NPAS3: variants seen among roughly 807,000 people sequenced by gnomAD.
The protein encoded by NPAS3 is neuronal PAS domain-containing protein 3.
Under a neutral mutation model 73.1 loss-of-function variants are expected in NPAS3, and 14 were observed. The ratio of observed to expected loss-of-function variants is 0.19; its 90% CI spans 0.13 to 0.30. NPAS3 has a LOEUF of 0.30. Ranked by LOEUF, NPAS3 falls within the 10% of genes least tolerant of loss-of-function variation. NPAS3 has a pLI of 1.00. For missense variants in NPAS3, 1,096 were observed against 1,250.0 expected (o/e 0.88, Z 1.86); for synonymous variants, 620 against 541.5 (o/e 1.14, Z -2.01).
intron 2 of NPAS3, among the ~76,000 whole-genome samples, chr14:33,201,626 C>T (rs2139592257): frequency 6.6e-6 from 1 of 152,330 alleles, no homozygotes; most frequent in South Asian, 2.1e-4. Flanking sequence ...AACAGGATAT[C>T]TGCCTTGGTC....
Position 33,451,151 on chromosome 14 carries a change from A to G in NPAS3, c.468+83883A>G, listed in dbSNP as rs548215623. Among the ~76,000 whole-genome samples the G allele has an allele frequency of 7.9e-5, 12 of 152,336 alleles. No individual in the cohort carries two copies. In the South Asian group the frequency reaches 2.5e-3, roughly 32 times the overall value. On this transcript the variant is annotated intron_variant, in intron 4 of 11. Transcript: ENST00000356141. ...TACCTTTTCTAGTCTCTGGCACATA[A>G]AAAATACATGCCTAATAAATATTTG...
intron 1 of NPAS3, among the ~76,000 whole-genome samples, chr14:33,020,371 A>C (rs1440088018): frequency 6.6e-6 from 1 of 152,214 alleles, no homozygotes; most frequent in East Asian, 1.9e-4. Context: ...ACCATGGAAA[A>C]GTGATGTAAA....
At chr14:33,637,565 GA>G (rs1267499699) in intron 5 of NPAS3, among the ~76,000 whole-genome samples, 12 of 152,174 alleles carry the variant, frequency 7.9e-5, no homozygotes, top group African/African-American at 2.9e-4. Flanking sequence ...TTTACCTATT[GA>G]ATGTAATGGA....
intron 2 of NPAS3, among the ~76,000 whole-genome samples, chr14:33,056,408 T>C (rs2040890823): frequency 6.6e-6 from 1 of 152,234 alleles, no homozygotes; most frequent in African/African-American, 2.4e-5. Context: ...TGTAATGGAA[T>C]GATGAGTTGT....
At chr14:33,796,545 A>C (rs1306487763) in intron 10 of NPAS3, among the ~76,000 whole-genome samples, 1 of 152,174 alleles carries the variant, frequency 6.6e-6, no homozygotes, top group African/African-American at 2.4e-5. Flanking sequence ...AGTAATCATC[A>C]ATTTTAAGTC....
chr14:33,684,243 A>ATAGTC (rs1356380145), intron 6 of NPAS3, among the ~76,000 whole-genome samples: 1 of 150,860 alleles, frequency 6.6e-6, no homozygotes, highest in Non-Finnish European at 1.5e-5. Context: ...TTTTTTTAAC[A>ATAGTC]TAGTCTCTTA....
At chr14:33,259,614 G>A (rs1269450815) in intron 3 of NPAS3, among the ~76,000 whole-genome samples, 3 of 152,100 alleles carry the variant, frequency 2.0e-5, no homozygotes, top group Non-Finnish European at 4.4e-5. Context: ...AATATTTTGA[G>A]GGGGAGACAT....
intron 3 of NPAS3, among the ~76,000 whole-genome samples, chr14:33,274,545 G>A (rs1027452865): frequency 4.6e-5 from 7 of 152,024 alleles, no homozygotes; most frequent in Non-Finnish European, 1.5e-5. Context: ...CCCTGCCTCA[G>A]TTCAGACCCA....
intron 2 of NPAS3, among the ~76,000 whole-genome samples, chr14:33,197,524 G>GA (rs1225813289): frequency 5.1e-4 from 74 of 144,648 alleles, no homozygotes; most frequent in Middle Eastern, 3.5e-3. Flanking sequence ...CATATTGTCA[G>GA]AAAAAAAAAA....
chr14:33,217,917 A>T (rs1197770278), intron 3 of NPAS3, among the ~76,000 whole-genome samples: 1 of 152,184 alleles, frequency 6.6e-6, no homozygotes, highest in Non-Finnish European at 1.5e-5. Flanking sequence ...ATTACTACAG[A>T]TAATATTTGT....
intron 2 of NPAS3, among the ~76,000 whole-genome samples, chr14:33,123,521 A>G (rs1365111580): frequency 6.6e-6 from 1 of 152,092 alleles, no homozygotes; most frequent in African/African-American, 2.4e-5. Flanking sequence ...AGGGAGAAGG[A>G]GCAACAACTC....
intron 5 of NPAS3, among the ~76,000 whole-genome samples, chr14:33,631,378 A>C (rs955476342): frequency 1.3e-5 from 2 of 152,322 alleles, no homozygotes; most frequent in South Asian, 4.1e-4. Flanking sequence ...CAGCAATGGG[A>C]TGAATTTACT....
At chr14:33,382,240 G>GAA (rs751183722) in intron 4 of NPAS3, among the ~76,000 whole-genome samples, 2 of 148,654 alleles carry the variant, frequency 1.3e-5, no homozygotes, top group African/African-American at 4.9e-5. Context: ...TCATTGCATT[G>GAA]AAAAAAAAAA....
chr14:33,484,839 A>C (rs193042152), intron 4 of NPAS3, among the ~76,000 whole-genome samples: 3 of 152,276 alleles, frequency 2.0e-5, no homozygotes, highest in Admixed American at 2.0e-4. Context: ...GGGGCAAGAC[A>C]CAAATCAAGG....
intron 4 of NPAS3, among the ~76,000 whole-genome samples, chr14:33,455,712 G>A (rs908738332): frequency 3.3e-5 from 5 of 152,278 alleles, no homozygotes; most frequent in Non-Finnish European, 7.3e-5. Context: ...GTGTTTCACC[G>A]CATCTGCCTG....
At chr14:33,480,509 C>G (rs2051263560) in intron 4 of NPAS3, among the ~76,000 whole-genome samples, 1 of 146,212 alleles carries the variant, frequency 6.8e-6, no homozygotes, top group Non-Finnish European at 1.5e-5. Flanking sequence ...CTCTCTCTCT[C>G]CCTCTCCCCC....
At chr14:33,074,189 G>A (rs1431843211) in intron 2 of NPAS3, among the ~76,000 whole-genome samples, 1 of 152,160 alleles carries the variant, frequency 6.6e-6, no homozygotes, top group African/African-American at 2.4e-5. Context: ...AGCCAGAAAT[G>A]TTTCTGCAGA....
chr14:33,139,421 C>T (rs2043961509), intron 2 of NPAS3, among the ~76,000 whole-genome samples: 1 of 152,148 alleles, frequency 6.6e-6, no homozygotes, highest in African/African-American at 2.4e-5. Context: ...TGGTTTTCTT[C>T]ACATTATTAA....
intron 3 of NPAS3, among the ~76,000 whole-genome samples, chr14:33,262,438 G>A (rs1367838971): frequency 2.0e-5 from 3 of 152,162 alleles, no homozygotes; most frequent in Non-Finnish European, 4.4e-5. Flanking sequence ...CAGCATTCCA[G>A]GACCTGCAAG....
Sources: gnomAD v4.1 joint callset for allele counts (sites outside exome capture counted in the v4.1 genomes callset) on GRCh38, gnomAD v4.1.1 for gene constraint, MANE v1.5 for transcripts, NCBI Gene and HGNC (gene_info 2026-07-23, HGNC 2026-07-21) for gene names.